Variants in TOP1 observed in about 807,000 individuals in gnomAD.
TOP1 encodes DNA topoisomerase I.
TOP1 carries 10 observed loss-of-function variants against 111.1 expected under a neutral mutation model. That is an observed-to-expected ratio of 0.09 (90% CI 0.06 to 0.15). The LOEUF (loss-of-function observed/expected upper bound fraction) is 0.15. Among genes scored for constraint, TOP1 ranks in the 10% least tolerant of loss-of-function variants. The pLI, the probability that TOP1 is intolerant of heterozygous loss-of-function variation, is 1.00. For synonymous variants in TOP1, 271 were observed against 302.9 expected, an observed-to-expected ratio of 0.89 and a Z score of 1.10; for missense variants, 474 against 926.7, an observed-to-expected ratio of 0.51 and a Z score of 6.34.
intron 3 of TOP1, chr20:41,072,938 ATAGCTTCATCCCATT>A (rs1464529504): frequency 1.0e-6 from 1 of 985,336 alleles, no homozygotes; most frequent in African/African-American, 1.7e-5. Context: ...AGTCAGGATG[ATAGCTTCATCCCATT>A]CTGGTTTTTG....
rs989676530 is a variant in TOP1, at chr20:41,083,047, T to C, written c.508-1415T>C. On this transcript the variant is annotated intron_variant, in intron 7 of 20. Coordinates refer to ENST00000361337, the MANE Select transcript of TOP1 (RefSeq NM_003286.4). The surrounding 1 kb of genome is among the most constrained non-coding windows in gnomAD (Gnocchi z 7.2). Reference sequence around the variant, plus strand: ...GGCAGAATCTGTCATTAAACCTCACTCGCCAACTATAGTTTTTTTGTTTTT... The same window carrying C: ...GGCAGAATCTGTCATTAAACCTCACCCGCCAACTATAGTTTTTTTGTTTTT... Among the ~76,000 whole-genome samples, 3 of 152,146 alleles carry C rather than the reference T, an allele frequency of 2.0e-5. No individual in the cohort carries two copies. Among genetic ancestry groups the C allele is most frequent in the Non-Finnish European group, 4.4e-5 (3 of 68,006 alleles).
intron 2 of TOP1, among the ~76,000 whole-genome samples, chr20:41,055,775 C>T (rs1233625573): frequency 6.6e-6 from 1 of 152,074 alleles, no homozygotes; most frequent in Non-Finnish European, 1.5e-5. Flanking sequence ...TTCTTAGTTC[C>T]TTTGCTGTCA....
Position 41,098,308 on chromosome 20 carries a change from C to G in TOP1, c.946C>G (p.Arg316Gly), listed in dbSNP as rs1216787339. 1 of 1,613,934 alleles carries G rather than the reference C, an allele frequency of 6.2e-7. No homozygotes were observed. Among genetic ancestry groups the G allele is most frequent in the Admixed American group, 1.7e-5 (1 of 60,002 alleles). The change falls in exon 11 of 21, where the codon CGG becomes GGG. Residue 316 changes from arginine to glycine, a missense_variant. Physicochemically the swap from Arg to Gly is moderately radical, Grantham distance 125. Transcript: ENST00000361337. The surrounding 1 kb of genome is among the most constrained non-coding windows in gnomAD (Gnocchi z 5.7). Reference protein sequence around the residue: ...SQYFKAQTEARKQMSKEEKLK... With the variant: ...SQYFKAQTEAGKQMSKEEKLK... The stretch of plus-strand genomic sequence containing the variant: ...GTATTTCAAAGCCCAGACGGAAGCT[C>G]GGAAACAGATGAGCAAGGAAGAGAA...
At chr20:41,108,998 A>G (rs561885481) in intron 13 of TOP1, among the ~76,000 whole-genome samples, 1 of 152,374 alleles carries the variant, frequency 6.6e-6, no homozygotes, top group Non-Finnish European at 1.5e-5. Context: ...AATGCAGTAC[A>G]GCAAACTTTA....
chr20:41,083,935 A>ATT lies in TOP1; in HGVS notation c.508-524_508-523dup, dbSNP rs1010960148. The stretch of plus-strand genomic sequence containing the variant: ...AAATACCACCATAGGAATTGGTGTC[A>ATT]TTTTAGAACCTATCAAATACTTGCT... On this transcript the variant is annotated intron_variant, in intron 7 of 20. Transcript: ENST00000361337. This position sits in a 1 kb window ranked among gnomAD's most constrained non-coding sequence, Gnocchi z 7.2. 2.6e-5 allele frequency among the ~76,000 whole-genome samples: 4 copies of ATT among 152,174 alleles called. No homozygotes were observed. Among genetic ancestry groups the ATT allele is most frequent in the African/African-American group, 9.7e-5 (4 of 41,442 alleles).
intron 11 of TOP1, among the ~76,000 whole-genome samples, chr20:41,099,598 A>T (rs532893505): frequency 6.6e-6 from 1 of 152,178 alleles, no homozygotes; most frequent in Non-Finnish European, 1.5e-5. Context: ...ATACCTGTAT[A>T]CCTACAAAAA....
chr20:41,081,339 G>T (rs1004265762), intron 7 of TOP1, 99 bp downstream of exon 7: 14 of 1,393,570 alleles, frequency 1.0e-5, no homozygotes, highest in Admixed American at 8.7e-5. Flanking sequence ...ATATTTATTG[G>T]CTTGTTATAA....
At position 41,061,353 on chromosome 20, in the gene TOP1, C is replaced by A. The variant is rs2033541887; in HGVS notation, c.59-41C>A. 6.3e-7 allele frequency: 1 copy of A among 1,588,724 alleles called. No individual in the cohort carries two copies. Among genetic ancestry groups the A allele is most frequent in the Non-Finnish European group, 8.6e-7 (1 of 1,158,548 alleles). ...GTCAAGGTAGGCATACAGAAGATAG[C>A]TCATGACTCCTGTTAACTGACTCAT... On this transcript the variant is annotated intron_variant, in intron 2 of 20. Coordinates refer to ENST00000361337, the MANE Select transcript of TOP1 (RefSeq NM_003286.4). This position sits in a 1 kb window ranked among gnomAD's most constrained non-coding sequence, Gnocchi z 4.6.
At chr20:41,081,446 C>T (rs2033787352) in intron 7 of TOP1, among the ~76,000 whole-genome samples, 1 of 152,194 alleles carries the variant, frequency 6.6e-6, no homozygotes, top group Non-Finnish European at 1.5e-5. Flanking sequence ...CCACAACCAG[C>T]AGTGATTCTG....
Position 41,061,558 on chromosome 20 carries a change from A to G in TOP1, c.155+68A>G, listed in dbSNP as rs2033545385. ...GTTGGCCATTGCTTGGCTTACCTGGAATAGGTCTTAACTTGAGCTACATGT... is the reference window on the plus strand; with the variant it reads ...GTTGGCCATTGCTTGGCTTACCTGGGATAGGTCTTAACTTGAGCTACATGT... On this transcript the variant is annotated intron_variant, in intron 3 of 20. Coordinates refer to ENST00000361337, the MANE Select transcript of TOP1 (RefSeq NM_003286.4). The surrounding 1 kb of genome is among the most constrained non-coding windows in gnomAD (Gnocchi z 4.6). 7.5e-7 allele frequency: 1 copy of G among 1,331,172 alleles called. No homozygotes were observed. Among genetic ancestry groups the G allele is most frequent in the Non-Finnish European group, 1.1e-6 (1 of 950,818 alleles). The allele number at this position is 1,331,172 out of a possible 1,614,324, so 82.5% of individuals were successfully genotyped here. A position where few individuals can be genotyped will look rare whatever the true frequency, so the allele number is the denominator to read the frequency against.
chr20:41,104,191 G>A (rs764311758), intron 13 of TOP1, among the ~76,000 whole-genome samples: 13 of 152,172 alleles, frequency 8.5e-5, no homozygotes, highest in African/African-American at 3.1e-4. Flanking sequence ...AAGTTTTAGG[G>A]CCTTTAAGTT....
chr20:41,031,941 ATTAT>A (rs1476764254), intron 2 of TOP1, among the ~76,000 whole-genome samples: 2 of 152,212 alleles, frequency 1.3e-5, no homozygotes, highest in Admixed American at 6.5e-5. Context: ...CATTGGTGTA[ATTAT>A]TCTTTGTGAA....
Position 41,076,221 on chromosome 20 carries a change from A to G in TOP1, c.206A>G (p.His69Arg), listed in dbSNP as rs751566633. The change falls in exon 4 of 21, where the codon CAC becomes CGC. Residue 69 changes from histidine (H) to arginine (R), a missense_variant. Physicochemically the swap from His to Arg is conservative, Grantham distance 29 (BLOSUM62 0). This residue lies in a region of TOP1 where 185 missense variants were observed against 226.3 expected (regional missense o/e 0.82). Transcript: ENST00000361337. ...CACAAAGAGAAGGAGAAGACCAAACACAAAGATGGAAGCTCAGAAAAGCAT... is the reference window on the plus strand; with the variant it reads ...CACAAAGAGAAGGAGAAGACCAAACGCAAAGATGGAAGCTCAGAAAAGCAT... ...KKHKEKEKTK[H>R]KDGSSEKHKD... 3 of 1,601,538 alleles carry G rather than the reference A, an allele frequency of 1.9e-6. No individual in the cohort carries two copies. In the African/African-American group the frequency reaches 4.0e-5, roughly 21 times the overall value.
At chr20:41,075,313 A>G (rs1250799299) in intron 3 of TOP1, among the ~76,000 whole-genome samples, 2 of 152,142 alleles carry the variant, frequency 1.3e-5, no homozygotes, top group Non-Finnish European at 2.9e-5. Flanking sequence ...CTGGGACTAC[A>G]GGCGCCTGCC....
In TOP1 at chr20:41,114,095, G is replaced by A. The variant is rs780261685; in HGVS notation, c.1578G>A (p.Glu526=). The A allele has an allele frequency of 8.7e-5, 140 of 1,614,112 alleles. No individual in the cohort carries two copies. The highest frequency in any genetic ancestry group is 1.1e-4 in the Non-Finnish European group (134 of 1,180,054). Residue 526 remains glutamate, a synonymous_variant, in exon 15 of 21, where the codon GAG becomes GAA. Transcript: ENST00000361337. This position sits in a 1 kb window ranked among gnomAD's most constrained non-coding sequence, Gnocchi z 4.5. ...TGGATGGTCAGGAATATGTGGTAGA[G>A]TTTGACTTCCTCGGGAAGGACTCCA... ...PELDGQEYVV[E]FDFLGKDSIR...
intron 2 of TOP1, among the ~76,000 whole-genome samples, chr20:41,047,698 G>A (rs2033350709): frequency 6.6e-6 from 1 of 152,176 alleles, no homozygotes. Context: ...TACTTGCAGT[G>A]GAACTTGAAT....
intron 17 of TOP1, among the ~76,000 whole-genome samples, chr20:41,117,343 T>A (rs2145969196): frequency 6.7e-6 from 1 of 149,502 alleles, no homozygotes; most frequent in African/African-American, 2.5e-5. Context: ...TCTAAAATAA[T>A]AATAATAACC....
rs1440754876 is a variant in TOP1, at chr20:41,094,292, C to CT, written c.730+1707dup. Reference sequence around the variant, plus strand: ...CTCACGCTGGTCATTCCTGGAGACTCTTAACTATAACTCAAAGCCAAAACT... The same window carrying CT: ...CTCACGCTGGTCATTCCTGGAGACTCTTTAACTATAACTCAAAGCCAAAACT... On this transcript the variant is annotated intron_variant, in intron 9 of 20. Transcript: ENST00000361337. This position sits in a 1 kb window ranked among gnomAD's most constrained non-coding sequence, Gnocchi z 4.4. Among the ~76,000 whole-genome samples the CT allele has an allele frequency of 6.6e-6, 1 of 152,148 alleles. No individual in the cohort carries two copies. The highest frequency in any genetic ancestry group is 1.9e-4 in the East Asian group (1 of 5,176).
rs756669367 is a variant in TOP1 at position 41,100,218 on chromosome 20, G to A, written c.1138G>A (p.Glu380Lys). ...CATGCTGAAGAGACGAATCATGCCC[G>A]AGGATATAATCATCAACTGTAGCAA... ...MGMLKRRIMP[E>K]DIIINCSKDA... Residue 380 changes from glutamate (E) to lysine (K), a missense_variant, in exon 12 of 21, where the codon GAG (glutamate) becomes AAG (lysine). Around this residue, in one of 14 missense-constraint regions of TOP1, gnomAD observed 22 missense variants for 30.4 expected, o/e 0.72. Coordinates refer to ENST00000361337, the MANE Select transcript of TOP1 (RefSeq NM_003286.4). This position sits in a 1 kb window ranked among gnomAD's most constrained non-coding sequence, Gnocchi z 4.4. 3 of 1,613,714 alleles carry A rather than the reference G, an allele frequency of 1.9e-6. No homozygotes were observed. In the South Asian group the frequency reaches 3.3e-5, roughly 18 times the overall value.
Sources: gnomAD v4.1 joint callset for allele counts (sites outside exome capture counted in the v4.1 genomes callset) on GRCh38, gnomAD v4.1.1 for gene constraint, gnomAD v4.1.1 regional missense constraint, Gnocchi (gnomAD v3.1) non-coding constraint, MANE v1.5 for transcripts, NCBI Gene and HGNC (gene_info 2026-07-23, HGNC 2026-07-21) for gene names.